The following LINGO1 variants were observed in gnomAD, a reference collection of about 807,000 sequenced individuals.
LINGO1 encodes leucine-rich repeat and immunoglobulin-like domain-containing nogo receptor-interacting protein 1.
Under a neutral mutation model 37.3 loss-of-function variants are expected in LINGO1, and 11 were observed. The observed-to-expected ratio is 0.29, with a 90% CI of 0.19 to 0.49. The LOEUF (loss-of-function observed/expected upper bound fraction) is 0.49, where lower values mean the gene tolerates loss of function less well. Ranked by LOEUF, LINGO1 falls within the 20% of genes least tolerant of loss-of-function variation. The pLI is 0.99. For missense variants in LINGO1, 585 were observed against 878.2 expected, an observed-to-expected ratio of 0.67 and a Z score of 4.22; for synonymous variants, 387 against 403.0, an observed-to-expected ratio of 0.96 and a Z score of 0.48.
chr15:77,635,636 T>C (rs141549557), upstream of LINGO1, among the ~76,000 whole-genome samples: 1,118 of 145,722 alleles, frequency 7.7e-3, 7 homozygotes, highest in Non-Finnish European at 0.012. Context: ...TTGTGCCTGC[T>C]GGACCACCCT....
At chr15:77,761,929 T>C (rs1475162163) in intron 1 of LINGO1, among the ~76,000 whole-genome samples, 7 of 152,210 alleles carry the variant, frequency 4.6e-5, no homozygotes, top group African/African-American at 9.6e-5. Flanking sequence ...ACATGAGTGA[T>C]GGAGTGAGGC....
chr15:77,794,248 C>G (rs979179601), intron 2 of LINGO1, among the ~76,000 whole-genome samples: 2 of 150,988 alleles, frequency 1.3e-5, no homozygotes, highest in African/African-American at 4.9e-5. Context: ...TCATTCTACC[C>G]AGAGCCAACT....
chr15:77,777,997 G>A (rs2076678998), intron 1 of LINGO1, among the ~76,000 whole-genome samples: 1 of 151,978 alleles, frequency 6.6e-6, no homozygotes, highest in Non-Finnish European at 1.5e-5. Flanking sequence ...GGGAGGGGAG[G>A]GGAGGAAAGA....
intron 3 of LINGO1, among the ~76,000 whole-genome samples, chr15:77,672,767 G>C (rs143778819): frequency 1.3e-5 from 2 of 152,330 alleles, no homozygotes; most frequent in East Asian, 3.9e-4. Context: ...CGTGTGCCTA[G>C]CACACAGGAG....
intron 1 of LINGO1, among the ~76,000 whole-genome samples, chr15:77,746,220 A>C (rs2141357481): frequency 6.6e-6 from 1 of 152,156 alleles, no homozygotes; most frequent in South Asian, 2.1e-4. Context: ...AAAAAAAAAA[A>C]AAAAAAAATG....
At chr15:77,795,551 G>T (rs2076865984) in intron 2 of LINGO1, among the ~76,000 whole-genome samples, 1 of 152,328 alleles carries the variant, frequency 6.6e-6, no homozygotes, top group East Asian at 1.9e-4. Flanking sequence ...CCTCTTGACA[G>T]TTTCTTGGAC....
At chr15:77,819,991 C>G (rs1383285518) in intron 1 of LINGO1, 1 of 153,502 alleles carries the variant, frequency 6.5e-6, no homozygotes, top group Non-Finnish European at 1.4e-5. Context: ...CCGCCGCCCT[C>G]TCCCGCGCCC....
intron 2 of LINGO1, among the ~76,000 whole-genome samples, chr15:77,685,608 A>G (rs117329972): frequency 0.049 from 7,365 of 151,780 alleles, 238 homozygotes; most frequent in East Asian, 0.16. Flanking sequence ...CTGTAATCCC[A>G]ACAGTTTGGG....
At chr15:77,669,038 A>G (rs530583038) in intron 3 of LINGO1, among the ~76,000 whole-genome samples, 4 of 152,366 alleles carry the variant, frequency 2.6e-5, no homozygotes, top group Middle Eastern at 3.4e-3. Context: ...CTTCACAGAA[A>G]ATCCCTTCTT....
chr15:77,724,023 G>C (rs1359887569), intron 2 of LINGO1, among the ~76,000 whole-genome samples: 2 of 152,208 alleles, frequency 1.3e-5, no homozygotes, highest in African/African-American at 2.4e-5. Flanking sequence ...CACAGAAATA[G>C]CCGGGCGTGC....
intron 3 of LINGO1, among the ~76,000 whole-genome samples, chr15:77,643,028 G>A (rs1424092691): frequency 6.6e-6 from 1 of 152,244 alleles, no homozygotes; most frequent in Admixed American, 6.5e-5. Flanking sequence ...GGAGGAGACA[G>A]AGACTCACAC....
At chr15:77,715,148 C>A (rs780701525) in intron 2 of LINGO1, among the ~76,000 whole-genome samples, 1 of 152,160 alleles carries the variant, frequency 6.6e-6, no homozygotes, top group Admixed American at 6.5e-5. Flanking sequence ...TGTGGCAATG[C>A]GACACTTCAT....
intron 1 of LINGO1, among the ~76,000 whole-genome samples, chr15:77,801,276 C>T (rs8028249): frequency 1.3e-5 from 2 of 152,098 alleles, no homozygotes; most frequent in East Asian, 1.9e-4. Flanking sequence ...AAACGTTTAT[C>T]GATAAGAGAA....
intron 2 of LINGO1, among the ~76,000 whole-genome samples, chr15:77,703,475 T>C (rs1340974700): frequency 1.3e-5 from 2 of 152,272 alleles, no homozygotes; most frequent in Non-Finnish European, 2.9e-5. Flanking sequence ...CTTTGTGTCT[T>C]GGAACAAGTG....
chr15:77,623,593 G>C (rs1003613798), intron 1 of LINGO1, among the ~76,000 whole-genome samples: 28 of 152,344 alleles, frequency 1.8e-4, no homozygotes, highest in Admixed American at 1.5e-3. Context: ...GCTCCTGCAG[G>C]AGAAAGCCTG....
At chr15:77,692,924 T>C (rs967495504) in intron 1 of LINGO1, among the ~76,000 whole-genome samples, 2 of 152,238 alleles carry the variant, frequency 1.3e-5, no homozygotes, top group African/African-American at 4.8e-5. Context: ...GAGGTCACAC[T>C]GCTACTGAAC....
At chr15:77,775,002 C>A (rs937356421) in intron 1 of LINGO1, among the ~76,000 whole-genome samples, 12 of 152,200 alleles carry the variant, frequency 7.9e-5, no homozygotes, top group African/African-American at 2.9e-4. Flanking sequence ...CTAGAACCCA[C>A]GTCTCACGTC....
intron 2 of LINGO1, chr15:77,707,398 A>T (rs1294551075): frequency 1.3e-5 from 2 of 152,130 alleles, no homozygotes; most frequent in Non-Finnish European, 2.9e-5. Context: ...ACTCACCATG[A>T]CTCTTGAAGC....
chr15:77,753,608 G>C (rs762860301), intron 1 of LINGO1, among the ~76,000 whole-genome samples: 1 of 152,212 alleles, frequency 6.6e-6, no homozygotes, highest in Non-Finnish European at 1.5e-5. Flanking sequence ...GCACTGCCAA[G>C]GACTGTCAGC....
Sources: allele counts gnomAD v4.1 joint callset (sites outside exome capture counted in the v4.1 genomes callset), GRCh38; gene constraint gnomAD v4.1.1; transcripts MANE v1.5; gene names NCBI Gene and HGNC (gene_info 2026-07-23, HGNC 2026-07-21).